THSD4: variants seen among roughly 807,000 people sequenced by gnomAD.
THSD4 encodes thrombospondin type-1 domain-containing protein 4.
Under a neutral mutation model 119.0 loss-of-function variants are expected in THSD4, and 69 were observed. That is an observed-to-expected ratio of 0.58 (90% confidence interval 0.48 to 0.71). THSD4 has a LOEUF of 0.71. THSD4 is among the 30% of genes least tolerant of loss of function. The pLI is 0.00. For missense variants in THSD4, 1,393 were observed against 1,391.1 expected (o/e 1.00, Z -0.02); for synonymous variants, 524 against 540.4 (o/e 0.97, Z 0.42).
At chr15:71,461,179 T>A (rs1030233151) in intron 7 of THSD4, among the ~76,000 whole-genome samples, 1 of 152,210 alleles carries the variant, frequency 6.6e-6, no homozygotes, top group East Asian at 1.9e-4. Context: ...CTGGAAGATT[T>A]GTTTGCAAGA....
intron 7 of THSD4, among the ~76,000 whole-genome samples, chr15:71,542,765 T>C (rs2048776793): frequency 6.6e-6 from 1 of 151,738 alleles, no homozygotes; most frequent in African/African-American, 2.4e-5. Context: ...TAGTCCCAGC[T>C]ACTCGGGACG....
At chr15:71,309,021 C>T (rs973999101) in intron 6 of THSD4, among the ~76,000 whole-genome samples, 12 of 152,210 alleles carry the variant, frequency 7.9e-5, no homozygotes, top group African/African-American at 2.2e-4. Flanking sequence ...ACTATCTCGG[C>T]TCACTGCAAC....
intron 8 of THSD4, among the ~76,000 whole-genome samples, chr15:71,666,955 A>G (rs959118485): frequency 3.3e-5 from 5 of 152,346 alleles, no homozygotes; most frequent in Admixed American, 6.5e-5. Flanking sequence ...CCAACTCACC[A>G]CAATGCTTAC....
chr15:71,524,153 C>T (rs2048481942), intron 7 of THSD4, among the ~76,000 whole-genome samples: 1 of 152,132 alleles, frequency 6.6e-6, no homozygotes, highest in Non-Finnish European at 1.5e-5. Flanking sequence ...AAGTGACGTT[C>T]AGAAAGATGG....
intron 12 of THSD4, 62 bp from the exon 13 acceptor site, chr15:71,746,776 C>T: frequency 6.5e-7 from 1 of 1,548,808 alleles, no homozygotes; most frequent in African/African-American, 1.4e-5. Flanking sequence ...GCTGCGGGCT[C>T]ACGCTGACTT....
chr15:71,373,588 G>C (rs2046090188), intron 6 of THSD4, among the ~76,000 whole-genome samples: 2 of 152,176 alleles, frequency 1.3e-5, no homozygotes, highest in Non-Finnish European at 2.9e-5. Context: ...ATAAGATCTG[G>C]TGGTGAAGCT....
intron 7 of THSD4, among the ~76,000 whole-genome samples, chr15:71,555,900 T>C (rs1199621400): frequency 6.6e-6 from 1 of 152,222 alleles, no homozygotes; most frequent in African/African-American, 2.4e-5. Context: ...GGAACATTTA[T>C]TGAATAGTCT....
chr15:71,472,853 AG>A (rs1294208173), intron 7 of THSD4, among the ~76,000 whole-genome samples: 3 of 152,186 alleles, frequency 2.0e-5, no homozygotes, highest in Non-Finnish European at 4.4e-5. Context: ...TCCCATGGGA[AG>A]GAAATGTAGC....
At chr15:71,471,449 G>A (rs1238328778) in intron 7 of THSD4, among the ~76,000 whole-genome samples, 2 of 151,980 alleles carry the variant, frequency 1.3e-5, no homozygotes, top group Admixed American at 1.3e-4. Context: ...GGCCAGCCCT[G>A]AGGTGTCATG....
At chr15:71,207,487 T>C (rs939229350) in intron 3 of THSD4, among the ~76,000 whole-genome samples, 4 of 152,228 alleles carry the variant, frequency 2.6e-5, no homozygotes, top group Non-Finnish European at 5.9e-5. Flanking sequence ...TCATTTCACA[T>C]TATCTTGATT....
Position 71,694,059 on chromosome 15 carries a change from G to A in THSD4, c.1357+33325G>A, listed in dbSNP as rs981350630. On this transcript the variant is annotated intron_variant, in intron 8 of 17. Transcript: ENST00000261862. Reference sequence around the variant, plus strand: ...AGAAAGAAAGAAAAGCCAGTGTCAAGGTTGGAGGTTGAGCAGAGGTGAGCA... The same window carrying A: ...AGAAAGAAAGAAAAGCCAGTGTCAAAGTTGGAGGTTGAGCAGAGGTGAGCA... Among the ~76,000 whole-genome samples, 4 of 152,092 alleles carry A rather than the reference G, an allele frequency of 2.6e-5. No individual in the cohort carries two copies. The East Asian group carries it at 7.7e-4, about 29-fold the overall frequency.
intron 6 of THSD4, among the ~76,000 whole-genome samples, chr15:71,351,491 A>C (rs967255798): frequency 2.0e-4 from 30 of 152,316 alleles, no homozygotes; most frequent in African/African-American, 6.5e-4. Flanking sequence ...TATGGATTTC[A>C]TCAGGCCTTC....
chr15:71,453,590 T>C (rs1470670422), intron 7 of THSD4, among the ~76,000 whole-genome samples: 2 of 152,220 alleles, frequency 1.3e-5, no homozygotes, highest in Non-Finnish European at 2.9e-5. Context: ...GATTTTGACA[T>C]TGAGTAACAG....
chr15:71,528,155 C>T (rs957220418), intron 7 of THSD4, among the ~76,000 whole-genome samples: 1 of 152,118 alleles, frequency 6.6e-6, no homozygotes, highest in Non-Finnish European at 1.5e-5. Flanking sequence ...TATTGAAAAC[C>T]ACAAAAGTTG....
intron 6 of THSD4, among the ~76,000 whole-genome samples, chr15:71,378,716 G>C (rs2046184196): frequency 2.0e-5 from 3 of 152,170 alleles, no homozygotes; most frequent in Admixed American, 6.5e-5. Flanking sequence ...TTTTATGGTT[G>C]AGAGTCACTG....
chr15:71,108,738 T>C (rs1243951543), intron 1 of THSD4, among the ~76,000 whole-genome samples: 2 of 152,170 alleles, frequency 1.3e-5, no homozygotes, highest in Non-Finnish European at 2.9e-5. Flanking sequence ...ACGCCTGTAA[T>C]CCCAGCACTT....
intron 7 of THSD4, among the ~76,000 whole-genome samples, chr15:71,578,617 G>A (rs932541170): frequency 1.3e-4 from 19 of 151,760 alleles, no homozygotes; most frequent in African/African-American, 3.9e-4. Context: ...GATTATAGGC[G>A]TAAGCCACCA....
chr15:71,752,996 G>A (rs1229392712), intron 14 of THSD4, among the ~76,000 whole-genome samples: 7 of 152,290 alleles, frequency 4.6e-5, no homozygotes, highest in Non-Finnish European at 7.4e-5. Context: ...AGTCATGAAC[G>A]AGACACAGCT....
intron 3 of THSD4, among the ~76,000 whole-genome samples, chr15:71,208,387 T>TTCCCTCTA (rs1375387452): frequency 6.6e-6 from 1 of 152,186 alleles, no homozygotes; most frequent in Admixed American, 6.5e-5. Flanking sequence ...GGGTTTCAGT[T>TTCCCTCTA]TCCCTCTAAC....
Sources: allele counts gnomAD v4.1 joint callset (sites outside exome capture counted in the v4.1 genomes callset), GRCh38; gene constraint gnomAD v4.1.1; transcripts MANE v1.5; gene names NCBI Gene and HGNC (gene_info 2026-07-23, HGNC 2026-07-21).